The following CTNNA3 variants were observed in gnomAD, a reference collection of about 807,000 sequenced individuals.
CTNNA3 encodes catenin alpha-3.
Under a neutral mutation model 95.7 loss-of-function variants are expected in CTNNA3, and 76 were observed. That is an observed-to-expected ratio of 0.79 (90% CI 0.66 to 0.96). CTNNA3 has a LOEUF of 0.96. Ranked by LOEUF, CTNNA3 falls within the 40% of genes least tolerant of loss-of-function variation. The probability of loss-of-function intolerance (pLI) is 0.00; values close to 1 mark genes in which losing one functional copy is unlikely to be tolerated. For missense variants in CTNNA3, 1,191 were observed against 1,089.8 expected (o/e 1.09, Z -1.31); for synonymous variants, 431 against 374.4 (o/e 1.15, Z -1.74).
chr10:67,717,798 C>T (rs1372326313), intron 1 of CTNNA3, among the ~76,000 whole-genome samples: 5 of 152,120 alleles, frequency 3.3e-5, no homozygotes, highest in Non-Finnish European at 7.4e-5. Context: ...CTAGGCTATA[C>T]GGGCTCTTTT....
At chr10:67,133,378 T>TATATATATATATAC (rs1177119156) in intron 7 of CTNNA3, among the ~76,000 whole-genome samples, 21 of 133,928 alleles carry the variant, frequency 1.6e-4, no homozygotes, top group African/African-American at 6.0e-4. Context: ...TATATATATA[T>TATATATATATATAC]ACACACACAC....
In CTNNA3 at chr10:66,084,426, G is replaced by A. The variant is rs1442465919; in HGVS notation, c.1978-14937C>T. 2.6e-5 allele frequency among the ~76,000 whole-genome samples: 4 copies of A among 151,974 alleles called. No individual in the cohort carries two copies. In the South Asian group the frequency reaches 8.3e-4, roughly 32 times the overall value. On this transcript the variant is annotated intron_variant, in intron 14 of 17. Transcript: ENST00000433211. ...AGAGAATGGGTCTTCCATTACAGTG[G>A]TATTAGTTTTGGAACTTCAAGCAAT...
intron 1 of CTNNA3, among the ~76,000 whole-genome samples, chr10:67,693,947 C>T (rs1840915963): frequency 6.6e-6 from 1 of 152,172 alleles, no homozygotes. Context: ...CTAGCATGTG[C>T]CCTCTATCCC....
At chr10:66,343,226 A>G (rs1164827705) in intron 12 of CTNNA3, among the ~76,000 whole-genome samples, 1 of 152,070 alleles carries the variant, frequency 6.6e-6, no homozygotes, top group Non-Finnish European at 1.5e-5. Flanking sequence ...GGTACTGGTA[A>G]TTTATCCAAA....
At chr10:67,748,942 A>C (rs1841387544) in intron 1 of CTNNA3, among the ~76,000 whole-genome samples, 1 of 152,206 alleles carries the variant, frequency 6.6e-6, no homozygotes, top group Non-Finnish European at 1.5e-5. Context: ...CAAGCTCAAA[A>C]TAAAGGGATG....
chr10:66,788,289 A>G (rs573890509), intron 7 of CTNNA3, among the ~76,000 whole-genome samples: 2 of 152,256 alleles, frequency 1.3e-5, no homozygotes, highest in South Asian at 2.1e-4. Context: ...GGAGAGCCAT[A>G]AACTAAGCCT....
chr10:66,840,323 ATCTCTCTCTC>A (rs71035189), intron 7 of CTNNA3, among the ~76,000 whole-genome samples: 2,370 of 90,490 alleles, frequency 0.026, 58 homozygotes, highest in South Asian at 0.041. Context: ...CCAAGAAGCC[ATCTCTCTCTC>A]TCTCTCTCTC....
intron 13 of CTNNA3, among the ~76,000 whole-genome samples, chr10:66,155,127 T>C (rs181556482): frequency 7.9e-5 from 12 of 151,910 alleles, no homozygotes; most frequent in Non-Finnish European, 1.5e-4. Context: ...CAATTCCAAT[T>C]TGCCATTGAA....
chr10:66,016,157 A>C (rs1432311454), intron 15 of CTNNA3, among the ~76,000 whole-genome samples: 1 of 152,180 alleles, frequency 6.6e-6, no homozygotes, highest in African/African-American at 2.4e-5. Flanking sequence ...GAGATGCCTA[A>C]GGACACAAAG....
At chr10:66,122,818 C>A (rs2082639558) in intron 13 of CTNNA3, among the ~76,000 whole-genome samples, 1 of 152,190 alleles carries the variant, frequency 6.6e-6, no homozygotes, top group African/African-American at 2.4e-5. Context: ...GCAGGGAGAA[C>A]TCCTCTTTTT....
At chr10:67,039,661 A>T (rs569905960) in intron 7 of CTNNA3, among the ~76,000 whole-genome samples, 1 of 152,250 alleles carries the variant, frequency 6.6e-6, no homozygotes, top group African/African-American at 2.4e-5. Context: ...ATTAAAAATC[A>T]TGACAGAACA....
intron 13 of CTNNA3, among the ~76,000 whole-genome samples, chr10:66,186,281 A>AGTGTGTGTGTGTGT (rs60910774): frequency 1.3e-5 from 2 of 149,550 alleles, no homozygotes; most frequent in South Asian, 2.1e-4. Context: ...ATAAAATGTG[A>AGTGTGTGTGTGTGT]GTGTGTGTGT....
chr10:66,530,817 G>A (rs989765166), intron 10 of CTNNA3, among the ~76,000 whole-genome samples: 6 of 152,094 alleles, frequency 3.9e-5, no homozygotes, highest in African/African-American at 7.2e-5. Flanking sequence ...TTGGATAAAC[G>A]TATAAGAAAC....
intron 5 of CTNNA3, among the ~76,000 whole-genome samples, chr10:67,378,624 C>T (rs765801112): frequency 6.6e-6 from 1 of 152,092 alleles, no homozygotes; most frequent in South Asian, 2.1e-4. Flanking sequence ...TTGGAAAGTC[C>T]CTCATCCACG....
intron 5 of CTNNA3, among the ~76,000 whole-genome samples, chr10:67,314,815 T>C (rs1230194341): frequency 2.0e-5 from 3 of 152,244 alleles, no homozygotes; most frequent in Non-Finnish European, 2.9e-5. Flanking sequence ...GTATTTTCTA[T>C]AATTATATGT....
chr10:67,691,121 C>T (rs9971123), intron 1 of CTNNA3, among the ~76,000 whole-genome samples: 35,975 of 152,182 alleles, frequency 0.24, 5,108 homozygotes, highest in East Asian at 0.52. Flanking sequence ...CTCCAGCTCC[C>T]AACCACGAGT....
rs146900023 is a variant in CTNNA3 at position 66,379,273 on chromosome 10, C to A, written c.1611G>T (p.Ala537=). Residue 537 remains alanine (A), a synonymous_variant, in exon 12 of 18, where the codon GCG becomes GCT. Coordinates refer to ENST00000433211, the MANE Select transcript of CTNNA3 (RefSeq NM_013266.4). ...DQDADNLDRA[A]GAIRGRAARV... is the part of the protein sequence containing the mutation. ...TTGCTGCCCGGCCTCTGATAGCACC[C>A]GCAGCACGGTCTAAATTATCAGCAT... 3.1e-6 allele frequency: 5 copies of A among 1,614,098 alleles called. No homozygotes were observed. Among genetic ancestry groups the A allele is most frequent in the Admixed American group, 1.7e-5 (1 of 60,014 alleles).
At chr10:67,264,332 T>C (rs1218405913) in intron 5 of CTNNA3, among the ~76,000 whole-genome samples, 1 of 152,096 alleles carries the variant, frequency 6.6e-6, no homozygotes, top group Non-Finnish European at 1.5e-5. Flanking sequence ...CTTTGCAAAA[T>C]TCACTATTAA....
chr10:66,928,929 T>G (rs1205594449), intron 7 of CTNNA3, among the ~76,000 whole-genome samples: 1 of 152,124 alleles, frequency 6.6e-6, no homozygotes, highest in Admixed American at 6.5e-5. Context: ...TATGGGAACA[T>G]TTTACAGACA....
Sources: allele counts gnomAD v4.1 joint callset (sites outside exome capture counted in the v4.1 genomes callset), GRCh38; gene constraint gnomAD v4.1.1; transcripts MANE v1.5; gene names NCBI Gene and HGNC (gene_info 2026-07-23, HGNC 2026-07-21).